Variants in CTNNA1 observed in about 807,000 individuals in gnomAD.
The protein encoded by CTNNA1 is catenin alpha 1.
In CTNNA1, 37 loss-of-function variants were observed where a neutral mutation model predicts 98.4. That is an observed-to-expected ratio of 0.38 (90% confidence interval 0.29 to 0.49). The LOEUF is 0.49. Among genes scored for constraint, CTNNA1 ranks in the 20% least tolerant of loss-of-function variants. CTNNA1 has a pLI of 0.95. For missense variants in CTNNA1, 761 were observed against 1,147.2 expected (o/e 0.66, Z 4.86); for synonymous variants, 404 against 413.2 (o/e 0.98, Z 0.27).
At chr5:138,828,279 CAAGT>C (rs1222642488) in intron 7 of CTNNA1, 1 of 152,838 alleles carries the variant, frequency 6.5e-6, no homozygotes, top group Admixed American at 6.5e-5. Flanking sequence ...AGATAATTGC[CAAGT>C]AGAGTTACAT....
intron 7 of CTNNA1, among the ~76,000 whole-genome samples, chr5:138,844,186 G>A (rs1762511211): frequency 6.6e-6 from 1 of 150,666 alleles, no homozygotes; most frequent in Non-Finnish European, 1.5e-5. Context: ...AGTAGAGATG[G>A]GGTTTTGCTG....
chr5:138,779,931 G>A (rs1420451846), intron 1 of CTNNA1, among the ~76,000 whole-genome samples: 1 of 151,970 alleles, frequency 6.6e-6, no homozygotes, highest in East Asian at 1.9e-4. Flanking sequence ...GGCCAGGCTG[G>A]TTGTTTTGTT....
At position 138,933,840 on chromosome 5, in the gene CTNNA1, C is replaced by T. The variant is rs778017565; in HGVS notation, c.2472C>T (p.Asn824=). Residue 824 remains asparagine, a synonymous_variant, in exon 18 of 18, where the codon AAC becomes AAT. Transcript: ENST00000302763. ...TGTCCCTGATCCAGGCAGCCAAGAA[C>T]TTGATGAATGCTGTGGTGCAGACAG... ...SAMSLIQAAK[N]LMNAVVQTVK... The T allele has an allele frequency of 7.4e-6, 12 of 1,614,080 alleles. No individual in the cohort carries two copies. The highest frequency in any genetic ancestry group is 1.1e-5 in the South Asian group (1 of 91,066).
chr5:138,776,478 A>T (rs1173003348), intron 1 of CTNNA1, among the ~76,000 whole-genome samples: 2 of 152,346 alleles, frequency 1.3e-5, no homozygotes, highest in Non-Finnish European at 2.9e-5. Flanking sequence ...CCGATTTATC[A>T]ATCCTTTGCC....
intron 1 of CTNNA1, among the ~76,000 whole-genome samples, chr5:138,781,427 G>A (rs891289182): frequency 6.6e-6 from 1 of 152,028 alleles, no homozygotes; most frequent in East Asian, 1.9e-4. Context: ...GTGGTGGCGG[G>A]CCCCTGTAGT....
chr5:138,846,101 A>G (rs553202022), intron 7 of CTNNA1, among the ~76,000 whole-genome samples: 34 of 152,040 alleles, frequency 2.2e-4, no homozygotes, highest in African/African-American at 7.2e-4. Flanking sequence ...TAATTTTCAT[A>G]CTTTTAGAGA....
At chr5:138,897,756 A>G (rs1424069296) in intron 9 of CTNNA1, among the ~76,000 whole-genome samples, 5 of 152,146 alleles carry the variant, frequency 3.3e-5, no homozygotes, top group African/African-American at 7.2e-5. Flanking sequence ...ATTGTCTTAC[A>G]TGTGTTCTAT....
intron 1 of CTNNA1, among the ~76,000 whole-genome samples, chr5:138,755,329 TGAGTC>T (rs1199449481): frequency 1.3e-5 from 2 of 152,120 alleles, no homozygotes; most frequent in Non-Finnish European, 2.9e-5. Flanking sequence ...GGATGAAACA[TGAGTC>T]GAGTTTTTTT....
At chr5:138,769,636 G>A (rs1255419075) in intron 1 of CTNNA1, among the ~76,000 whole-genome samples, 1 of 152,024 alleles carries the variant, frequency 6.6e-6, no homozygotes, top group East Asian at 1.9e-4. Context: ...GGGTTCAAGC[G>A]ATTCTCCTGC....
intron 7 of CTNNA1, chr5:138,827,983 T>TA: frequency 2.2e-6 from 1 of 461,766 alleles, no homozygotes; most frequent in Non-Finnish European, 4.0e-6. Flanking sequence ...AACATGTAGA[T>TA]ACATGTGTAG....
intron 1 of CTNNA1, among the ~76,000 whole-genome samples, chr5:138,765,337 G>A (rs1752813866): frequency 6.6e-6 from 1 of 151,668 alleles, no homozygotes; most frequent in Non-Finnish European, 1.5e-5. Context: ...CACCGCGCCC[G>A]GCCCCAGCTA....
chr5:138,897,009 G>A (rs1756961464), intron 9 of CTNNA1, among the ~76,000 whole-genome samples: 1 of 152,060 alleles, frequency 6.6e-6, no homozygotes, highest in Non-Finnish European at 1.5e-5. Context: ...TGTGAATTGA[G>A]AGAGTGGCAT....
chr5:138,788,391 T>C (rs1022612495), intron 3 of CTNNA1, among the ~76,000 whole-genome samples: 1 of 152,120 alleles, frequency 6.6e-6, no homozygotes, highest in Non-Finnish European at 1.5e-5. Context: ...TGTAAATGCA[T>C]GGGTAGGGGT....
chr5:138,823,387 AG>A (rs947344543), intron 5 of CTNNA1, among the ~76,000 whole-genome samples: 2 of 152,224 alleles, frequency 1.3e-5, no homozygotes, highest in African/African-American at 4.8e-5. Context: ...AATGAAAAAA[AG>A]TAGTTTAAGA....
At chr5:138,917,936 T>G (rs758104638) in intron 11 of CTNNA1, 38 bp downstream of exon 11, 1 of 1,602,496 alleles carries the variant, frequency 6.2e-7, no homozygotes, top group Admixed American at 1.7e-5. Context: ...TGTGAAGATG[T>G]TCATAATTAC....
rs1438123405 is a variant in CTNNA1, at chr5:138,763,095, C to G, written c.-3+9585C>G. Among the ~76,000 whole-genome samples the G allele has an allele frequency of 4.7e-5, 4 of 84,572 alleles. No homozygotes were observed. In the Admixed American group the frequency reaches 5.8e-4, roughly 12 times the overall value. 55.5% of individuals were successfully genotyped at this position (84,572 alleles called of 152,430 possible). A position where few individuals can be genotyped will look rare whatever the true frequency, so the allele number is the denominator to read the frequency against. ...CAACTCTCTTGAAAGTGTCTTATTG[C>G]TATGTTTTTTTTTGTCAGTATTTGA... is the stretch of plus-strand genomic sequence containing the variant. On this transcript the variant is annotated intron_variant, in intron 1 of 17. Transcript: ENST00000302763.
At chr5:138,922,082 G>A (rs1196511349) in intron 11 of CTNNA1, among the ~76,000 whole-genome samples, 2 of 152,176 alleles carry the variant, frequency 1.3e-5, no homozygotes, top group Non-Finnish European at 2.9e-5. Flanking sequence ...AGGGCAGAGG[G>A]TACAAAGAAG....
chr5:138,867,856 A>G (rs1448757714), intron 7 of CTNNA1, among the ~76,000 whole-genome samples: 3 of 151,732 alleles, frequency 2.0e-5, no homozygotes, highest in East Asian at 1.9e-4. Context: ...GGTTCAAGCA[A>G]TCCTCCTGCC....
chr5:138,927,659 C>CTGTT (rs1428456634), intron 13 of CTNNA1, among the ~76,000 whole-genome samples: 1 of 152,062 alleles, frequency 6.6e-6, no homozygotes, highest in Non-Finnish European at 1.5e-5. Context: ...GAATTTTTGT[C>CTGTT]TGTTTGTCAC....
Sources: allele counts gnomAD v4.1 joint callset (sites outside exome capture counted in the v4.1 genomes callset), GRCh38; gene constraint gnomAD v4.1.1; transcripts MANE v1.5; gene names NCBI Gene and HGNC (gene_info 2026-07-23, HGNC 2026-07-21).